The following MANEA variants were observed in gnomAD, a reference collection of about 807,000 sequenced individuals.
MANEA encodes mannosidase endo-alpha.
Under a neutral mutation model 36.8 loss-of-function variants are expected in MANEA, and 25 were observed. The ratio of observed to expected loss-of-function variants is 0.68; its 90% CI spans 0.50 to 0.95. The LOEUF (loss-of-function observed/expected upper bound fraction) is 0.95, where lower values mean the gene tolerates loss of function less well. Among genes scored for constraint, MANEA ranks in the 40% least tolerant of loss-of-function variants. The probability of loss-of-function intolerance (pLI) is 0.00; values close to 1 mark genes in which losing one functional copy is unlikely to be tolerated. For synonymous variants in MANEA, 198 were observed against 188.5 expected (o/e 1.05, Z -0.41); for missense variants, 565 against 558.8 (o/e 1.01, Z -0.11).
intron 2 of MANEA, chr6:95,588,287 T>C (rs756473531): frequency 1.3e-5 from 2 of 152,130 alleles, no homozygotes; most frequent in Non-Finnish European, 2.9e-5. Flanking sequence ...GGAGCTGATA[T>C]GTATTTAGAG....
At chr6:95,593,983 AC>A (rs1365322391) in intron 2 of MANEA, among the ~76,000 whole-genome samples, 3 of 151,968 alleles carry the variant, frequency 2.0e-5, no homozygotes, top group African/African-American at 7.3e-5. Context: ...AATCACTTGA[AC>A]CTGGGAGGCG....
In MANEA at chr6:95,606,180, C is replaced by T. The variant is rs746404867; in HGVS notation, c.1164C>T (p.Ala388=). ...NGKYYEIGLS[A]ALQTRPSLIS... ...AGTATTATGAAATTGGTCTGAGTGC[C>T]GCACTTCAGACACGCCCCAGCTTAA... Residue 388 remains alanine, a synonymous_variant, in exon 5 of 5, where the codon GCC becomes GCT. Coordinates refer to ENST00000358812, the MANE Select transcript of MANEA (RefSeq NM_024641.4). The T allele has an allele frequency of 1.1e-5, 17 of 1,613,976 alleles. No individual in the cohort carries two copies. Among genetic ancestry groups the T allele is most frequent in the Admixed American group, 1.7e-5 (1 of 60,006 alleles).
intron 2 of MANEA, among the ~76,000 whole-genome samples, chr6:95,596,165 G>A (rs1051529417): frequency 3.3e-5 from 5 of 152,060 alleles, no homozygotes; most frequent in Admixed American, 6.6e-5. Context: ...AAAAAGCTTA[G>A]TTATTGGCAG....
intron 1 of MANEA, among the ~76,000 whole-genome samples, chr6:95,579,942 G>C (rs912962319): frequency 6.6e-6 from 1 of 152,156 alleles, no homozygotes; most frequent in Non-Finnish European, 1.5e-5. Flanking sequence ...AGATATATCT[G>C]CAATAAACTT....
intron 2 of MANEA, chr6:95,587,238 T>G (rs1315783246): frequency 7.3e-6 from 3 of 410,660 alleles, no homozygotes; most frequent in Admixed American, 8.0e-5. Context: ...TTAATTCACT[T>G]TCTCAATTTT....
chr6:95,604,863 G>T lies in MANEA; in HGVS notation c.691G>T (p.Asp231Tyr). Reference protein sequence around the residue: ...FHIEPYSNRDDQNMYKNVKYI... With the variant: ...FHIEPYSNRDYQNMYKNVKYI... ...CATAGAACCATATAGCAATCGAGAT[G>T]ATCAAAACATGTACAAAAATGTCAA... is the stretch of plus-strand genomic sequence containing the variant. Residue 231 changes from aspartate to tyrosine, a missense_variant, in exon 4 of 5, where the codon GAT becomes TAT. Transcript: ENST00000358812. 6.7e-7 allele frequency: 1 copy of T among 1,490,416 alleles called. No individual in the cohort carries two copies. Among genetic ancestry groups the T allele is most frequent in the South Asian group, 1.4e-5 (1 of 73,598 alleles). 92.3% of individuals were successfully genotyped at this position (1,490,416 alleles called of 1,614,324 possible). A position where few individuals can be genotyped will look rare whatever the true frequency, so the allele number is the denominator to read the frequency against.
intron 1 of MANEA, among the ~76,000 whole-genome samples, chr6:95,579,780 A>G (rs1769145203): frequency 6.6e-6 from 1 of 152,178 alleles, no homozygotes; most frequent in Non-Finnish European, 1.5e-5. Flanking sequence ...CTAAGCTTCA[A>G]GTCAGCATTT....
rs187043637 is a variant in MANEA, at chr6:95,601,334, G to T, written c.655-3493G>T. Among the ~76,000 whole-genome samples the T allele has an allele frequency of 5.9e-5, 9 of 152,260 alleles. No individual in the cohort carries two copies. In the East Asian group the frequency reaches 1.7e-3, roughly 29 times the overall value. ...CCGTCATTGTTTAGCAAATAATCTGGTTTTCCTTCCCCTGCATGCAAAGAG... is the reference window on the plus strand; with the variant it reads ...CCGTCATTGTTTAGCAAATAATCTGTTTTTCCTTCCCCTGCATGCAAAGAG... On this transcript the variant is annotated intron_variant, in intron 3 of 4. Coordinates refer to ENST00000358812, the MANE Select transcript of MANEA (RefSeq NM_024641.4).
At chr6:95,581,193 A>T (rs1769175195) in intron 1 of MANEA, among the ~76,000 whole-genome samples, 1 of 152,194 alleles carries the variant, frequency 6.6e-6, no homozygotes. Context: ...TCATATTTTA[A>T]ATCTCAATGC....
intron 3 of MANEA, among the ~76,000 whole-genome samples, chr6:95,604,061 G>GGTGTGTGTGTGTCTGTGT (rs1554210529): frequency 2.2e-5 from 3 of 138,320 alleles, no homozygotes; most frequent in African/African-American, 8.1e-5. Context: ...TATGTATGTA[G>GGTGTGTGTGTGTCTGTGT]GTGTGTGTGT....
chr6:95,586,163 G>A (rs1769276451), intron 1 of MANEA, among the ~76,000 whole-genome samples: 1 of 152,146 alleles, frequency 6.6e-6, no homozygotes, highest in Non-Finnish European at 1.5e-5. Context: ...TAATTGGCAT[G>A]TACATGGTGA....
chr6:95,604,532 G>A (rs1025301150), intron 3 of MANEA, among the ~76,000 whole-genome samples: 2 of 151,960 alleles, frequency 1.3e-5, no homozygotes, highest in African/African-American at 4.8e-5. Context: ...TGGGTGACCT[G>A]GAACAACTTA....
rs749481531 is a variant in MANEA at position 95,604,827 on chromosome 6, GTTAC to G, written c.658_661del (p.Thr220PhefsTer3). The stretch of plus-strand genomic sequence containing the variant: ...TAACTGATTTTATTGTTTGTTTTAG[GTTAC>G]TTTTCACATAGAACCATATAGCAAT... On this transcript the variant is annotated frameshift_variant and splice_region_variant, in exon 4 of 5. Transcript: ENST00000358812. LOFTEE classifies it high-confidence loss of function. The G allele has an allele frequency of 1.4e-6, 2 of 1,395,118 alleles. No individual in the cohort carries two copies. Among genetic ancestry groups the G allele is most frequent in the East Asian group, 5.1e-5 (2 of 39,124 alleles). 86.4% of individuals were successfully genotyped at this position (1,395,118 alleles called of 1,614,324 possible). A position where few individuals can be genotyped will look rare whatever the true frequency, so the allele number is the denominator to read the frequency against.
chr6:95,587,206 G>T lies in MANEA; in HGVS notation c.544+223G>T. ...AATTTTTACATTTTGGAGCATTTCT[G>T]GATATATTGTTGATTTCTAATTTAA... On this transcript the variant is annotated intron_variant, in intron 2 of 4. Coordinates refer to ENST00000358812, the MANE Select transcript of MANEA (RefSeq NM_024641.4). 1.5e-5 allele frequency: 7 copies of T among 453,722 alleles called. No individual in the cohort carries two copies. The South Asian group carries it at 2.9e-4, about 19-fold the overall frequency. 28.1% of individuals were successfully genotyped at this position (453,722 alleles called of 1,614,324 possible).
intron 3 of MANEA, among the ~76,000 whole-genome samples, chr6:95,597,972 A>G (rs1195238629): frequency 1.3e-5 from 2 of 152,192 alleles, no homozygotes; most frequent in African/African-American, 4.8e-5. Context: ...CTATAGTTTC[A>G]GAAGAGAGTT....
intron 2 of MANEA, among the ~76,000 whole-genome samples, chr6:95,593,880 T>C (rs376051195): frequency 1.2e-4 from 19 of 152,158 alleles, no homozygotes; most frequent in African/African-American, 4.3e-4. Context: ...ACCCCATCTC[T>C]ACTAAAAATA....
At chr6:95,601,716 A>ATTATTATTTTTTTTTTTTTT in intron 3 of MANEA, among the ~76,000 whole-genome samples, 1 of 64,992 alleles carries the variant, frequency 1.5e-5, no homozygotes, top group East Asian at 4.9e-4. Context: ...AGATTCAGTG[A>ATTATTATTTTTTTTTTTTTT]TTTTTTTTTT....
chr6:95,583,841 TA>T (rs1769230505), intron 1 of MANEA, among the ~76,000 whole-genome samples: 1 of 152,212 alleles, frequency 6.6e-6, no homozygotes, highest in African/African-American at 2.4e-5. Context: ...TATTCACAAT[TA>T]AACAAGATTA....
rs1769738907 is a variant in MANEA at position 95,607,467 on chromosome 6, A to C, written c.*1062A>C. On this transcript the variant is annotated 3_prime_UTR_variant, in exon 5 of 5. Transcript: ENST00000358812. Reference sequence around the variant, plus strand: ...AGCATTTTAGATTCTAGAGACATGGAAATGAAAATTATTTTATGTCTAGAG... The same window carrying C: ...AGCATTTTAGATTCTAGAGACATGGCAATGAAAATTATTTTATGTCTAGAG... The C allele has an allele frequency of 6.6e-6, 1 of 152,058 alleles. No individual in the cohort carries two copies. The highest frequency in any genetic ancestry group is 6.6e-5 in the Admixed American group (1 of 15,262). 9.4% of individuals were successfully genotyped at this position (152,058 alleles called of 1,614,324 possible). A position where few individuals can be genotyped will look rare whatever the true frequency, so the allele number is the denominator to read the frequency against.
Sources: gnomAD v4.1 joint callset for allele counts (sites outside exome capture counted in the v4.1 genomes callset) on GRCh38, gnomAD v4.1.1 for gene constraint, MANE v1.5 for transcripts, NCBI Gene and HGNC (gene_info 2026-07-23, HGNC 2026-07-21) for gene names.